The following DNAH14 variants were observed in gnomAD, a reference collection of about 807,000 sequenced individuals.
DNAH14 encodes dynein axonemal heavy chain 14.
A neutral mutation model predicts 520.9 loss-of-function variants in DNAH14; 478 were observed. That is an observed-to-expected ratio of 0.92 (90% CI 0.85 to 0.99). The LOEUF is 0.99. Among genes scored for constraint, DNAH14 ranks in the 50% least tolerant of loss-of-function variants. The probability of loss-of-function intolerance (pLI) is 0.00; values close to 1 mark genes in which losing one functional copy is unlikely to be tolerated. For synonymous variants in DNAH14, 1,581 were observed against 1,757.2 expected (o/e 0.90, Z 2.51); for missense variants, 4,831 against 5,234.5 (o/e 0.92, Z 2.38).
At chr1:224,939,457 T>C (rs1435787970) in intron 1 of DNAH14, among the ~76,000 whole-genome samples, 3 of 151,990 alleles carry the variant, frequency 2.0e-5, no homozygotes, top group African/African-American at 7.2e-5. Context: ...GATCACGAGG[T>C]CAGGAGATTG....
intron 23 of DNAH14, among the ~76,000 whole-genome samples, chr1:225,110,859 T>C (rs2076424084): frequency 6.6e-6 from 1 of 152,146 alleles, no homozygotes; most frequent in Non-Finnish European, 1.5e-5. Context: ...AATTTTCTTC[T>C]TAATGTCTTC....
rs2063863291 is a variant in DNAH14, at chr1:225,002,822, G to C, written c.870G>C (p.Leu290Phe). The stretch of plus-strand genomic sequence containing the variant: ...ACCATCTTTTTTTGGCTGATGACTT[G>C]TTTCAAACCTGTTTGGTTTATATAA... ...LYHHLFLADD[L>F]FQTCLVYIRG... Residue 290 changes from leucine to phenylalanine, a missense_variant, in exon 9 of 86, where the codon TTG becomes TTC. Physicochemically the swap from Leu to Phe is conservative, Grantham distance 22 (BLOSUM62 0). Transcript: ENST00000682510. The C allele has an allele frequency of 6.5e-7, 1 of 1,549,060 alleles. No individual in the cohort carries two copies. Among genetic ancestry groups the C allele is most frequent in the Non-Finnish European group, 8.7e-7 (1 of 1,145,736 alleles).
At chr1:224,932,183 G>A (rs1215748026) in intron 1 of DNAH14, among the ~76,000 whole-genome samples, 2 of 151,838 alleles carry the variant, frequency 1.3e-5, no homozygotes, top group Admixed American at 6.6e-5. Flanking sequence ...TCTCATTCTG[G>A]TTTTTGATTT....
chr1:225,225,796 T>C (rs2090476135), intron 41 of DNAH14, among the ~76,000 whole-genome samples: 2 of 152,130 alleles, frequency 1.3e-5, no homozygotes, highest in Admixed American at 1.3e-4. Flanking sequence ...ATATGCTGTG[T>C]TCACACCCCC....
intron 72 of DNAH14, among the ~76,000 whole-genome samples, chr1:225,352,252 C>T (rs2095375222): frequency 6.6e-6 from 1 of 152,034 alleles, no homozygotes; most frequent in South Asian, 2.1e-4. Flanking sequence ...ATTCAAATGA[C>T]TTACTATTTT....
intron 23 of DNAH14, among the ~76,000 whole-genome samples, chr1:225,114,761 G>C (rs2076737655): frequency 6.6e-6 from 1 of 151,748 alleles, no homozygotes; most frequent in East Asian, 1.9e-4. Flanking sequence ...GCAGCACTGA[G>C]TTTCAATGCA....
At chr1:225,090,483 G>A (rs565820274) in intron 21 of DNAH14, among the ~76,000 whole-genome samples, 42 of 152,210 alleles carry the variant, frequency 2.8e-4, no homozygotes, top group Middle Eastern at 3.4e-3. Flanking sequence ...CCTATTCAGA[G>A]GCTCATTATA....
At chr1:225,335,437 G>GTGTATGCACATATGCACGTGTGTACA (rs2094945762) in intron 66 of DNAH14, among the ~76,000 whole-genome samples, 1 of 77,462 alleles carries the variant, frequency 1.3e-5, no homozygotes, top group Non-Finnish European at 2.2e-5. Flanking sequence ...GTGTGTACAT[G>GTGTATGCACATATGCACGTGTGTACA]TGTGTGTATG....
intron 13 of DNAH14, among the ~76,000 whole-genome samples, 162 bp downstream of exon 13, chr1:225,043,276 GAAAAAAAAA>G (rs10671374): frequency 2.1e-4 from 21 of 98,168 alleles, no homozygotes; most frequent in South Asian, 4.3e-4. Context: ...GTCTCTTGGG[GAAAAAAAAA>G]AAAAAAAAAA....
At chr1:225,334,251 C>A (rs1457548830) in intron 66 of DNAH14, among the ~76,000 whole-genome samples, 1 of 152,024 alleles carries the variant, frequency 6.6e-6, no homozygotes, top group East Asian at 1.9e-4. Context: ...CCAGCCTGGG[C>A]AACATAGTGA....
intron 10 of DNAH14, among the ~76,000 whole-genome samples, chr1:225,011,565 A>AG (rs1158675525): frequency 6.6e-6 from 1 of 152,118 alleles, no homozygotes; most frequent in Admixed American, 6.6e-5. Context: ...TGTGAGTCTA[A>AG]GCCTCTTTGT....
At chr1:225,215,429 G>A (rs2089165565) in intron 41 of DNAH14, among the ~76,000 whole-genome samples, 1 of 152,148 alleles carries the variant, frequency 6.6e-6, no homozygotes, top group Non-Finnish European at 1.5e-5. Context: ...AGGCCTGCTT[G>A]GTGCAGAGCT....
chr1:225,126,147 T>G (rs979087795), intron 27 of DNAH14, among the ~76,000 whole-genome samples: 1 of 152,116 alleles, frequency 6.6e-6, no homozygotes, highest in African/African-American at 2.4e-5. Context: ...ACAGATATAA[T>G]AATGAAAAGG....
intron 55 of DNAH14, among the ~76,000 whole-genome samples, chr1:225,290,882 A>G (rs1027151432): frequency 1.3e-5 from 2 of 151,454 alleles, no homozygotes; most frequent in African/African-American, 4.8e-5. Context: ...GGAGCATTCA[A>G]TATCCTCCTT....
chr1:225,191,968 T>A (rs945084665), intron 37 of DNAH14, among the ~76,000 whole-genome samples: 1 of 151,978 alleles, frequency 6.6e-6, no homozygotes, highest in African/African-American at 2.4e-5. Context: ...TTCCTCAGAC[T>A]TGATCTTTGC....
At chr1:225,095,696 A>T (rs2074901547) in intron 21 of DNAH14, among the ~76,000 whole-genome samples, 1 of 152,220 alleles carries the variant, frequency 6.6e-6, no homozygotes, top group South Asian at 2.1e-4. Flanking sequence ...AATACGGATC[A>T]ATCTCAAAAT....
intron 42 of DNAH14, among the ~76,000 whole-genome samples, chr1:225,238,669 C>T (rs2091769251): frequency 6.6e-6 from 1 of 152,080 alleles, no homozygotes; most frequent in Admixed American, 6.5e-5. Flanking sequence ...TGGGAGTGGC[C>T]CTTTCTTTCC....
rs2147831785 is a variant in DNAH14, at chr1:225,005,149, G to A, written c.975+2222G>A. On this transcript the variant is annotated intron_variant, in intron 9 of 85. Transcript: ENST00000682510. ...TCTAGAGAGATTGCCACTTATCCAA[G>A]TTGACAGAATCATCTAGAGTTGAGA... Among the ~76,000 whole-genome samples, 3 of 152,224 alleles carry A rather than the reference G, an allele frequency of 2.0e-5. No homozygotes were observed. The Middle Eastern group carries it at 0.01, about 518-fold the overall frequency.
At chr1:225,026,811 T>A (rs2066153071) in intron 11 of DNAH14, among the ~76,000 whole-genome samples, 1 of 152,184 alleles carries the variant, frequency 6.6e-6, no homozygotes, top group African/African-American at 2.4e-5. Context: ...GCTAGAATTT[T>A]GATAGAGGCA....
Sources: gnomAD v4.1 joint callset for allele counts (sites outside exome capture counted in the v4.1 genomes callset) on GRCh38, gnomAD v4.1.1 for gene constraint, MANE v1.5 for transcripts, NCBI Gene and HGNC (gene_info 2026-07-23, HGNC 2026-07-21) for gene names.